The following SPTBN1 variants were observed in gnomAD, a reference collection of about 807,000 sequenced individuals.
The protein encoded by SPTBN1 is spectrin beta, non-erythrocytic 1.
A neutral mutation model predicts 266.4 loss-of-function variants in SPTBN1; 32 were observed. That is an observed-to-expected ratio of 0.12 (90% CI 0.09 to 0.16). SPTBN1 has a LOEUF of 0.16. SPTBN1 is among the 10% of genes least tolerant of loss of function. SPTBN1 has a pLI of 1.00. For synonymous variants in SPTBN1, 1,336 were observed against 1,162.2 expected (o/e 1.15, Z -3.04); for missense variants, 2,296 against 3,067.1 (o/e 0.75, Z 5.94).
chr2:54,656,004 G>A lies in SPTBN1; in HGVS notation c.6046+6G>A, dbSNP rs1388607769. 5 of 1,608,942 alleles carry A rather than the reference G, an allele frequency of 3.1e-6. No homozygotes were observed. The highest frequency in any genetic ancestry group is 1.7e-5 in the Admixed American group (1 of 59,726). On this transcript the variant is annotated splice_donor_region_variant and intron_variant, in intron 29 of 35. Coordinates refer to ENST00000356805, the MANE Select transcript of SPTBN1 (RefSeq NM_003128.3). ...ATGGGAATGGTTAAGACTGAGTAAG[G>A]ATGTAGTTTATCTTTCTGCTCTTTT...
chr2:54,567,045 G>A (rs1252424721), intron 2 of SPTBN1, among the ~76,000 whole-genome samples: 1 of 152,212 alleles, frequency 6.6e-6, no homozygotes, highest in Non-Finnish European at 1.5e-5. Context: ...CTGCTTTCCA[G>A]TGAGCAGCTG....
intron 8 of SPTBN1, 42 bp from the exon 9 acceptor site, chr2:54,622,258 G>A (rs1271838477): frequency 6.3e-7 from 1 of 1,597,502 alleles, no homozygotes; most frequent in South Asian, 1.1e-5. Flanking sequence ...TTAACTTATG[G>A]AGTGACATGA....
At chr2:54,590,552 G>GAGACCACATCCCATCAAATGATGAT (rs1675607331) in intron 2 of SPTBN1, among the ~76,000 whole-genome samples, 1 of 152,236 alleles carries the variant, frequency 6.6e-6, no homozygotes, top group African/African-American at 2.4e-5. Context: ...TAAAAGATGA[G>GAGACCACATCCCATCAAATGATGAT]AGACCACATC....
chr2:54,580,363 T>C (rs768023589), intron 2 of SPTBN1, among the ~76,000 whole-genome samples: 14 of 152,228 alleles, frequency 9.2e-5, no homozygotes, highest in Non-Finnish European at 1.3e-4. Flanking sequence ...CAGTAATATT[T>C]AGAGGCTTCT....
intron 2 of SPTBN1, among the ~76,000 whole-genome samples, chr2:54,597,875 T>C (rs928629659): frequency 7.3e-5 from 11 of 150,266 alleles, no homozygotes; most frequent in Non-Finnish European, 1.6e-4. Context: ...GCTTTTTTTT[T>C]TTTTTTTTTT....
chr2:54,654,901 G>T (rs1680547593), intron 27 of SPTBN1, among the ~76,000 whole-genome samples, 169 bp from the exon 28 acceptor site: 1 of 152,198 alleles, frequency 6.6e-6, no homozygotes, highest in South Asian at 2.1e-4. Context: ...CTGTCACTGT[G>T]CTTTGGCTCC....
At chr2:54,459,229 G>A (rs1323003233) in intron 1 of SPTBN1, among the ~76,000 whole-genome samples, 3 of 152,142 alleles carry the variant, frequency 2.0e-5, no homozygotes, top group African/African-American at 7.2e-5. Flanking sequence ...AGAAGTATTG[G>A]GCAGTGAAGG....
At chr2:54,489,895 C>T (rs868777587) in intron 1 of SPTBN1, among the ~76,000 whole-genome samples, 7 of 152,076 alleles carry the variant, frequency 4.6e-5, no homozygotes, top group South Asian at 2.1e-4. Flanking sequence ...TGGTTTTTAT[C>T]AGTTGGATTT....
At chr2:54,633,578 C>G (rs901837701) in intron 17 of SPTBN1, among the ~76,000 whole-genome samples, 1 of 152,186 alleles carries the variant, frequency 6.6e-6, no homozygotes, top group South Asian at 2.1e-4. Flanking sequence ...GTTGGATGCA[C>G]TAGCACAGGC....
intron 2 of SPTBN1, among the ~76,000 whole-genome samples, chr2:54,567,007 T>TA (rs1055135642): frequency 6.6e-5 from 10 of 152,364 alleles, no homozygotes; most frequent in Middle Eastern, 6.8e-3. Flanking sequence ...GTATTCTACT[T>TA]ACTTATTAAC....
chr2:54,585,451 A>G (rs182576303), intron 2 of SPTBN1, among the ~76,000 whole-genome samples: 5 of 152,226 alleles, frequency 3.3e-5, no homozygotes, highest in African/African-American at 1.2e-4. Flanking sequence ...GGCAATGTAC[A>G]TTGGGTACTT....
chr2:54,532,489 T>C (rs1314583526), intron 2 of SPTBN1, among the ~76,000 whole-genome samples: 6 of 152,216 alleles, frequency 3.9e-5, no homozygotes, highest in Non-Finnish European at 7.3e-5. Context: ...TGGCAAGATA[T>C]ATACTTATTC....
intron 2 of SPTBN1, among the ~76,000 whole-genome samples, chr2:54,537,790 A>G (rs6545426): frequency 0.053 from 8,026 of 152,246 alleles, 665 homozygotes; most frequent in African/African-American, 0.18. Context: ...CATGGCTGCC[A>G]TCTGCTCCTG....
intron 3 of SPTBN1, among the ~76,000 whole-genome samples, chr2:54,600,459 G>C (rs540877317): frequency 2.6e-5 from 4 of 151,924 alleles, no homozygotes; most frequent in African/African-American, 4.9e-5. Context: ...GGAGACCCCT[G>C]CTCAAAACCA....
chr2:54,655,662 G>C (rs1220189677), intron 28 of SPTBN1, among the ~76,000 whole-genome samples: 1 of 152,210 alleles, frequency 6.6e-6, no homozygotes, highest in Non-Finnish European at 1.5e-5. Context: ...GAACGTGTTT[G>C]CCGCAGGGAG....
intron 34 of SPTBN1, among the ~76,000 whole-genome samples, chr2:54,666,403 G>A (rs1324766864): frequency 6.6e-6 from 1 of 152,234 alleles, no homozygotes; most frequent in African/African-American, 2.4e-5. Flanking sequence ...CAGTTTAAGG[G>A]AGGCTTTGAA....
At chr2:54,636,601 C>G (rs1483901098) in intron 17 of SPTBN1, among the ~76,000 whole-genome samples, 1 of 152,224 alleles carries the variant, frequency 6.6e-6, no homozygotes, top group Non-Finnish European at 1.5e-5. Flanking sequence ...CACGTGTTCA[C>G]CAAGCTGCTC....
chr2:54,612,099 A>G, intron 3 of SPTBN1, 62 bp from the exon 4 acceptor site: 6 of 1,478,100 alleles, frequency 4.1e-6, no homozygotes, highest in Non-Finnish European at 5.5e-6. Context: ...CTAGGCAGTA[A>G]CTCGGGGTTC....
chr2:54,637,761 G>A lies in SPTBN1; in HGVS notation c.3816G>A (p.Lys1272=), dbSNP rs763728591. 4 of 1,613,674 alleles carry A rather than the reference G, an allele frequency of 2.5e-6. No homozygotes were observed. Among genetic ancestry groups the A allele is most frequent in the African/African-American group, 2.7e-5 (2 of 74,878 alleles). The change falls in exon 18 of 36, where the codon AAG becomes AAA. Residue 1272 remains lysine (K), a synonymous_variant. Transcript: ENST00000356805. ...CCAGTGAACTTTTGATGAGGTTGAAGGACAACAGGGATCTACAGAAATTCC... is the reference window on the plus strand; with the variant it reads ...CCAGTGAACTTTTGATGAGGTTGAAAGACAACAGGGATCTACAGAAATTCC... ...ETASELLMRL[K]DNRDLQKFLQ...
Sources: allele counts gnomAD v4.1 joint callset (sites outside exome capture counted in the v4.1 genomes callset), GRCh38; gene constraint gnomAD v4.1.1; transcripts MANE v1.5; gene names NCBI Gene and HGNC (gene_info 2026-07-23, HGNC 2026-07-21).